MLIP: variants seen among roughly 807,000 people sequenced by gnomAD.
MLIP encodes muscular LMNA-interacting protein.
A neutral mutation model predicts 84.8 loss-of-function variants in MLIP; 79 were observed. The observed-to-expected ratio is 0.93, with a 90% CI of 0.78 to 1.12. The LOEUF (loss-of-function observed/expected upper bound fraction) is 1.12, where lower values mean the gene tolerates loss of function less well. Among genes scored for constraint, MLIP ranks in the 50% most tolerant of loss-of-function variants. The pLI is 0.00. For synonymous variants in MLIP, 504 were observed against 463.0 expected, an observed-to-expected ratio of 1.09 and a Z score of -1.14; for missense variants, 1,257 against 1,160.6, an observed-to-expected ratio of 1.08 and a Z score of -1.21.
intron 1 of MLIP, among the ~76,000 whole-genome samples, chr6:54,074,108 G>A (rs537793623): frequency 1.3e-5 from 2 of 152,212 alleles, no homozygotes; most frequent in South Asian, 2.1e-4. Context: ...AGTTTTAAAC[G>A]CTAAATATCT....
At position 54,068,311 on chromosome 6, in the gene MLIP, AT is replaced by A. The variant is rs1293786819; in HGVS notation, c.63+49225del. Among the ~76,000 whole-genome samples the A allele has an allele frequency of 6.2e-5, 6 of 97,422 alleles. 1 individual carries two copies. The highest frequency in any genetic ancestry group is 7.8e-5 in the African/African-American group (3 of 38,486). The allele number at this position is 97,422 out of a possible 152,430, so 63.9% of individuals were successfully genotyped here. On this transcript the variant is annotated intron_variant, in intron 1 of 12. Coordinates refer to the MLIP transcript ENST00000274897. Reference sequence around the variant, plus strand: ...ACCATCATGCCCAGCTAATTTTTGTATTTTTAGTAGAGACGGGGTTTCACCA... The same window carrying A: ...ACCATCATGCCCAGCTAATTTTTGTATTTTAGTAGAGACGGGGTTTCACCA...
chr6:54,174,983 C>T (rs1055178578), intron 9 of MLIP, among the ~76,000 whole-genome samples: 3 of 151,966 alleles, frequency 2.0e-5, no homozygotes, highest in African/African-American at 7.2e-5. Flanking sequence ...CCAGCTTCCC[C>T]AGCATCATTT....
intron 4 of MLIP, among the ~76,000 whole-genome samples, chr6:54,147,962 G>C (rs1450501376): frequency 6.6e-6 from 1 of 152,104 alleles, no homozygotes; most frequent in Non-Finnish European, 1.5e-5. Context: ...TCTGGGTCTG[G>C]CACTTTGATT....
At chr6:54,063,331 A>G (rs886392261) in intron 1 of MLIP, 16 of 152,018 alleles carry the variant, frequency 1.1e-4, no homozygotes, top group African/African-American at 3.1e-4. Flanking sequence ...AGTACTCCTA[A>G]TACTCTCCGC....
intron 1 of MLIP, among the ~76,000 whole-genome samples, chr6:54,095,695 G>A (rs921815015): frequency 6.6e-6 from 1 of 152,154 alleles, no homozygotes; most frequent in African/African-American, 2.4e-5. Context: ...GAGATCTGTA[G>A]AGACCCCCAA....
intron 5 of MLIP, among the ~76,000 whole-genome samples, chr6:54,159,548 T>C (rs935960693): frequency 2.6e-4 from 40 of 152,054 alleles, no homozygotes; most frequent in South Asian, 6.2e-4. Flanking sequence ...GGCACTAGGT[T>C]GGTTTCTAGA....
At chr6:54,096,129 AT>A (rs1181678422) in intron 1 of MLIP, among the ~76,000 whole-genome samples, 28 of 152,132 alleles carry the variant, frequency 1.8e-4, no homozygotes, top group African/African-American at 6.0e-4. Flanking sequence ...AACTTTTTAA[AT>A]TTTTTGGTCA....
chr6:54,098,649 C>G (rs1768407521), intron 1 of MLIP, among the ~76,000 whole-genome samples: 1 of 152,044 alleles, frequency 6.6e-6, no homozygotes, highest in Admixed American at 6.6e-5. Flanking sequence ...CATTGCTTAT[C>G]TTTAGAGTGT....
intron 1 of MLIP, among the ~76,000 whole-genome samples, chr6:54,089,146 T>C (rs1582112192): frequency 1.3e-5 from 2 of 152,316 alleles, no homozygotes; most frequent in East Asian, 1.9e-4. Context: ...TTCAGTTGAA[T>C]TGATAAATTG....
At chr6:54,071,961 C>T (rs1053733592) in intron 1 of MLIP, among the ~76,000 whole-genome samples, 3 of 152,194 alleles carry the variant, frequency 2.0e-5, no homozygotes, top group Admixed American at 6.5e-5. Context: ...CTTAACTGTT[C>T]CACAGATAAC....
chr6:54,073,901 T>C (rs1183922467), intron 1 of MLIP, among the ~76,000 whole-genome samples: 3 of 152,244 alleles, frequency 2.0e-5, no homozygotes, highest in East Asian at 3.8e-4. Context: ...TTACTTATTT[T>C]CAAGGCTTAT....
chr6:54,131,586 G>C (rs1450396784), intron 3 of MLIP, among the ~76,000 whole-genome samples: 1 of 151,994 alleles, frequency 6.6e-6, no homozygotes. Flanking sequence ...GGGACTCTTT[G>C]GGTAGTCATT....
At chr6:54,131,042 A>G (rs1340008150) in intron 3 of MLIP, among the ~76,000 whole-genome samples, 1 of 152,232 alleles carries the variant, frequency 6.6e-6, no homozygotes, top group Non-Finnish European at 1.5e-5. Flanking sequence ...TGTAGATGTT[A>G]GTGATAACAG....
intron 1 of MLIP, among the ~76,000 whole-genome samples, chr6:54,118,546 A>G (rs1242247451): frequency 6.6e-6 from 1 of 152,266 alleles, no homozygotes; most frequent in Admixed American, 6.5e-5. Context: ...ATGTAAGACC[A>G]GAAACTATGA....
chr6:54,083,543 T>C, intron 1 of MLIP: 2 of 1,535,974 alleles, frequency 1.3e-6, no homozygotes, highest in Non-Finnish European at 1.7e-6. Flanking sequence ...CAACCACTGC[T>C]TTCTTGACAT....
rs562946950 is a variant in MLIP at position 54,031,410 on chromosome 6, C to T, written c.63+12319C>T. On this transcript the variant is annotated intron_variant, in intron 1 of 12. Coordinates refer to the MLIP transcript ENST00000274897. ...CTTGGCTACCAGCAGACTGCAGGCT[C>T]CTCAAGGTCAGGAACTCTATGTTCT... 6.6e-5 allele frequency: 10 copies of T among 152,256 alleles called. No homozygotes were observed. In the South Asian group the frequency reaches 2.1e-3, roughly 32 times the overall value. 9.4% of individuals were successfully genotyped at this position (152,256 alleles called of 1,614,324 possible).
At chr6:54,076,953 T>C (rs1766841617) in intron 1 of MLIP, among the ~76,000 whole-genome samples, 2 of 152,174 alleles carry the variant, frequency 1.3e-5, no homozygotes, top group Admixed American at 6.5e-5. Context: ...TTACAGCAAC[T>C]GGATAACTAT....
chr6:54,127,222 TG>T (rs777561052), intron 3 of MLIP, among the ~76,000 whole-genome samples: 2 of 100,828 alleles, frequency 2.0e-5, no homozygotes, highest in African/African-American at 2.8e-5. Flanking sequence ...TAGCTTTTAG[TG>T]GGGGAAAAAA....
chr6:54,032,446 C>A (rs1459955139), intron 1 of MLIP: 1 of 152,168 alleles, frequency 6.6e-6, no homozygotes, highest in Non-Finnish European at 1.5e-5. Context: ...CCTGCAATAA[C>A]AACCATACAC....
Sources: gnomAD v4.1 joint callset for allele counts (sites outside exome capture counted in the v4.1 genomes callset) on GRCh38, gnomAD v4.1.1 for gene constraint, MANE v1.5 for transcripts, NCBI Gene and HGNC (gene_info 2026-07-23, HGNC 2026-07-21) for gene names.